SCAF8: variants seen among roughly 807,000 people sequenced by gnomAD.
SCAF8 encodes SR-related CTD associated factor 8.
Under a neutral mutation model 140.5 loss-of-function variants are expected in SCAF8, and 23 were observed. The observed-to-expected ratio is 0.16, with a 90% confidence interval of 0.12 to 0.23. SCAF8 has a LOEUF of 0.23. SCAF8 is among the 10% of genes least tolerant of loss of function. SCAF8 has a pLI of 1.00. For synonymous variants in SCAF8, 575 were observed against 528.9 expected (o/e 1.09, Z -1.20); for missense variants, 1,397 against 1,555.7 (o/e 0.90, Z 1.72).
intron 18 of SCAF8, among the ~76,000 whole-genome samples, chr6:154,828,351 C>G (rs891613513): frequency 5.3e-5 from 8 of 152,042 alleles, no homozygotes; most frequent in Non-Finnish European, 8.8e-5. Context: ...ATTGCCATTT[C>G]TCAGAGTCAT....
intron 3 of SCAF8, among the ~76,000 whole-genome samples, chr6:154,781,812 T>C (rs977184679): frequency 1.3e-5 from 2 of 152,200 alleles, no homozygotes; most frequent in Non-Finnish European, 1.5e-5. Context: ...GGATAGTGAG[T>C]ACATGTTTCC....
chr6:154,799,557 C>T (rs1404802775), intron 6 of SCAF8, among the ~76,000 whole-genome samples: 5 of 151,292 alleles, frequency 3.3e-5, no homozygotes, highest in Admixed American at 3.3e-4. Context: ...CACCCCCAAC[C>T]CTGGTTTTAT....
chr6:154,793,409 T>A (rs919074128), intron 5 of SCAF8, among the ~76,000 whole-genome samples: 31 of 151,896 alleles, frequency 2.0e-4, no homozygotes, highest in Non-Finnish European at 4.0e-4. Context: ...TGATAAAAAA[T>A]TTTTATCAAA....
At chr6:154,816,303 C>T (rs1175739181) in intron 13 of SCAF8, among the ~76,000 whole-genome samples, 1 of 152,146 alleles carries the variant, frequency 6.6e-6, no homozygotes, top group Non-Finnish European at 1.5e-5. Flanking sequence ...TCAAACAGAG[C>T]AAATGTTAGG....
At chr6:154,758,952 C>G (rs1779032441) in intron 1 of SCAF8, among the ~76,000 whole-genome samples, 1 of 152,124 alleles carries the variant, frequency 6.6e-6, no homozygotes, top group African/African-American at 2.4e-5. Context: ...ATTGGCTACA[C>G]CTTTCTGTAT....
chr6:154,792,373 T>A lies in SCAF8; in HGVS notation c.322-450T>A, dbSNP rs541759647. ...ATTGTAAAATGAAAGTTTTAAAATG[T>A]CACATTAGATAAGGACTTTGTCCTA... On this transcript the variant is annotated intron_variant, in intron 4 of 19. Transcript: ENST00000367178. 5.5e-4 allele frequency among the ~76,000 whole-genome samples: 84 copies of A among 152,322 alleles called. 1 individual carries two copies. In the South Asian group the frequency reaches 6.2e-3, roughly 11 times the overall value.
intron 5 of SCAF8, 81 bp downstream of exon 5, chr6:154,793,057 G>GGGCCGGGCGCGGTGGCTCACGCCTGTA: frequency 8.8e-7 from 1 of 1,132,278 alleles, no homozygotes; most frequent in Admixed American, 3.0e-5. Flanking sequence ...AAAATAATTC[G>GGGCCGGGCGCGGTGGCTCACGCCTGTA]ACAGTGCAGG....
chr6:154,824,298 C>G lies in SCAF8; in HGVS notation c.1991C>G (p.Pro664Arg). The G allele has an allele frequency of 6.2e-7, 1 of 1,613,928 alleles. No homozygotes were observed. The highest frequency in any genetic ancestry group is 8.5e-7 in the Non-Finnish European group (1 of 1,179,826). ...CCACCAGCATTTCCTGTGTCGATGCCGGTTCCTCCTCCTGGATTCAGTCCA... is the reference window on the plus strand; with the variant it reads ...CCACCAGCATTTCCTGTGTCGATGCGGGTTCCTCCTCCTGGATTCAGTCCA... ...LVPPAFPVSM[P>R]VPPPGFSPIP... Residue 664 changes from proline (P) to arginine (R), a missense_variant, in exon 17 of 20, where the codon CCG becomes CGG. By Grantham distance (103) the Pro-to-Arg change is moderately radical (BLOSUM62 -2). Transcript: ENST00000367178.
chr6:154,745,531 G>C (rs1401882339), intron 1 of SCAF8, among the ~76,000 whole-genome samples: 1 of 152,126 alleles, frequency 6.6e-6, no homozygotes, highest in Non-Finnish European at 1.5e-5. Context: ...ATGCCACCAT[G>C]CCTGCCTGAT....
chr6:154,775,390 C>T (rs1776888185), intron 2 of SCAF8, among the ~76,000 whole-genome samples: 1 of 152,136 alleles, frequency 6.6e-6, no homozygotes, highest in African/African-American at 2.4e-5. Flanking sequence ...TGATCATGAT[C>T]ATTTGAAAGT....
chr6:154,800,586 A>G (rs1777744376), intron 6 of SCAF8, among the ~76,000 whole-genome samples: 1 of 151,502 alleles, frequency 6.6e-6, no homozygotes, highest in African/African-American at 2.4e-5. Context: ...TACATGGATT[A>G]GAGAGAGGAG....
intron 1 of SCAF8, among the ~76,000 whole-genome samples, chr6:154,761,342 T>C (rs1253791735): frequency 6.6e-6 from 1 of 152,138 alleles, no homozygotes. Context: ...AAAAATTTGC[T>C]GGGCATAGTG....
chr6:154,753,562 C>T (rs909102305), intron 1 of SCAF8, among the ~76,000 whole-genome samples: 7 of 152,034 alleles, frequency 4.6e-5, no homozygotes, highest in Admixed American at 2.6e-4. Context: ...TCACTTGAAC[C>T]CGGGGGGCAG....
At chr6:154,792,737 T>G (rs1777459785) in intron 4 of SCAF8, 86 bp from the exon 5 acceptor site, 2 of 876,760 alleles carry the variant, frequency 2.3e-6, no homozygotes, top group Admixed American at 5.7e-5. Context: ...CTCCTTTCCA[T>G]CCAGGGCCCA....
rs766419861 is a variant in SCAF8, at chr6:154,832,929, A to G, written c.3350A>G (p.His1117Arg). ...LPVYGGPKGLHEERGRFRSGN... is the reference protein window; with the variant it reads ...LPVYGGPKGLREERGRFRSGN... Reference sequence around the variant, plus strand: ...GTCTATGGTGGTCCAAAAGGCTTACATGAAGAAAGAGGTAGATTTCGGTCT... The same window carrying G: ...GTCTATGGTGGTCCAAAAGGCTTACGTGAAGAAAGAGGTAGATTTCGGTCT... The change falls in exon 20 of 20, where the codon CAT becomes CGT. Residue 1117 changes from histidine (H) to arginine (R), a missense_variant. Physicochemically the swap from His to Arg is conservative, Grantham distance 29. Transcript: ENST00000367178. 2 of 1,614,152 alleles carry G rather than the reference A, an allele frequency of 1.2e-6. No individual in the cohort carries two copies. The highest frequency in any genetic ancestry group is 8.5e-7 in the Non-Finnish European group (1 of 1,180,010).
intron 2 of SCAF8, among the ~76,000 whole-genome samples, chr6:154,774,717 AT>A (rs1169530726): frequency 1.3e-5 from 2 of 152,232 alleles, no homozygotes; most frequent in African/African-American, 4.8e-5. Context: ...GGCCATAGAC[AT>A]TTAACCTTTG....
At chr6:154,789,505 G>A in intron 4 of SCAF8, among the ~76,000 whole-genome samples, 1 of 149,834 alleles carries the variant, frequency 6.7e-6, no homozygotes, top group East Asian at 2.0e-4. Flanking sequence ...AATTACCTTA[G>A]TACTTTAATA....
chr6:154,801,348 A>G (rs1777766681), intron 6 of SCAF8, among the ~76,000 whole-genome samples: 1 of 151,312 alleles, frequency 6.6e-6, no homozygotes, highest in African/African-American at 2.4e-5. Context: ...TAATTTTTGG[A>G]TTTAACTCAG....
intron 1 of SCAF8, among the ~76,000 whole-genome samples, chr6:154,769,526 A>T (rs1437310387): frequency 6.6e-6 from 1 of 152,246 alleles, no homozygotes; most frequent in Admixed American, 6.5e-5. Context: ...CTTTACTATT[A>T]TTCACTGTAA....
Sources: allele counts gnomAD v4.1 joint callset (sites outside exome capture counted in the v4.1 genomes callset), GRCh38; gene constraint gnomAD v4.1.1; transcripts MANE v1.5; gene names NCBI Gene and HGNC (gene_info 2026-07-23, HGNC 2026-07-21).